The following FANCI variants were observed in gnomAD, a reference collection of about 807,000 sequenced individuals.
The protein encoded by FANCI is FA complementation group I.
Under a neutral mutation model 176.1 loss-of-function variants are expected in FANCI, and 156 were observed. The ratio of observed to expected loss-of-function variants is 0.89; its 90% CI spans 0.78 to 1.01. The LOEUF (loss-of-function observed/expected upper bound fraction) is 1.01, where lower values mean the gene tolerates loss of function less well. FANCI is among the 50% of genes least tolerant of loss of function. The pLI is 0.00. For synonymous variants in FANCI, 613 were observed against 541.7 expected (o/e 1.13, Z -1.83); for missense variants, 1,678 against 1,534.1 (o/e 1.09, Z -1.57).
rs2151304688 is a variant in FANCI, at chr15:89,264,540, T to G, written c.688T>G (p.Leu230Val). 6 of 1,613,824 alleles carry G rather than the reference T, an allele frequency of 3.7e-6. No individual in the cohort carries two copies. Among genetic ancestry groups the G allele is most frequent in the Non-Finnish European group, 5.1e-6 (6 of 1,179,846 alleles). The change falls in exon 9 of 38, where the codon TTG (leucine) becomes GTG (valine). Residue 230 changes from leucine (L) to valine (V), a missense_variant. Physicochemically the swap from Leu to Val is conservative, Grantham distance 32. This residue lies in a region of FANCI where 469 missense variants were observed against 436.9 expected (regional missense o/e 1.07). Coordinates refer to ENST00000310775, the MANE Select transcript of FANCI (RefSeq NM_001113378.2). ...TTTTCAGGGAAGCAGAAAGAGTGTTTTGGAAGGAATCATAGCCTTCTTCAG... is the reference window on the plus strand; with the variant it reads ...TTTTCAGGGAAGCAGAAAGAGTGTTGTGGAAGGAATCATAGCCTTCTTCAG... ...LSSKGSRKSV[L>V]EGIIAFFSAL...
Position 89,305,235 on chromosome 15 carries a change from T to C in FANCI, c.3179T>C (p.Ile1060Thr), listed in dbSNP as rs201376236. The C allele has an allele frequency of 1.9e-5, 30 of 1,614,242 alleles. No homozygotes were observed. The African/African-American group carries it at 2.0e-4, about 11-fold the overall frequency. ...SQDIHGHLGD[I>T]DQDVEVEKTN... is the part of the protein sequence containing the mutation. ...GATATCCACGGGCATCTGGGAGATA[T>C]AGACCAGGTACTATAATGAGCCTTC... The change falls in exon 29 of 38, where the codon ATA becomes ACA. Residue 1060 changes from isoleucine (I) to threonine (T), a missense_variant. Around this residue, in one of 3 missense-constraint regions of FANCI, gnomAD observed 1,204 missense variants for 1,077.4 expected, o/e 1.12. Coordinates refer to ENST00000310775, the MANE Select transcript of FANCI (RefSeq NM_001113378.2).
intron 2 of FANCI, among the ~76,000 whole-genome samples, chr15:89,249,114 C>T (rs569347557): frequency 1.2e-3 from 190 of 152,158 alleles, no homozygotes; most frequent in African/African-American, 4.4e-3. Context: ...TTCTGCTGAC[C>T]GTATTAATCA....
intron 34 of FANCI, among the ~76,000 whole-genome samples, chr15:89,309,537 CTG>C (rs1452040349): frequency 2.0e-5 from 3 of 152,088 alleles, no homozygotes; most frequent in Non-Finnish European, 4.4e-5. Context: ...CAAGACCAGC[CTG>C]GGCAACATAG....
Position 89,245,177 on chromosome 15 carries a change from C to CTTT in FANCI, c.-20+1152_-20+1154dup, listed in dbSNP as rs71149284. 628 of 137,870 alleles carry CTTT rather than the reference C, an allele frequency of 4.6e-3. 4 individuals are homozygous for CTTT. The highest frequency in any genetic ancestry group is 6.4e-3 in the Non-Finnish European group (424 of 66,580). The allele number at this position is 137,870 out of a possible 1,614,324, so 8.5% of individuals were successfully genotyped here. A position where few individuals can be genotyped will look rare whatever the true frequency, so the allele number is the denominator to read the frequency against. ...CTGAGCTTTTCTTTTCTTTTCTTTT[C>CTTT]TTTTTTTTTTGAGACAGAGTCTCCC... On this transcript the variant is annotated intron_variant, in intron 1 of 37. Coordinates refer to ENST00000310775, the MANE Select transcript of FANCI (RefSeq NM_001113378.2).
At chr15:89,311,394 G>A (rs2151973626) in intron 34 of FANCI, among the ~76,000 whole-genome samples, 1 of 152,302 alleles carries the variant, frequency 6.6e-6, no homozygotes, top group Admixed American at 6.5e-5. Context: ...ACTCCAGCCT[G>A]GGCGACAGAG....
Position 89,245,369 on chromosome 15 carries a change from T to C in FANCI, c.-20+1336T>C, listed in dbSNP as rs931069581. On this transcript the variant is annotated intron_variant, in intron 1 of 37. Coordinates refer to ENST00000310775, the MANE Select transcript of FANCI (RefSeq NM_001113378.2). ...TTTTTTTTTTTTTTTTTTTTTTTTT[T>C]TGTATTTTTAGTAGAGACGGGGTTT... 2.7e-4 allele frequency: 32 copies of C among 119,844 alleles called. 1 individual carries two copies. In the East Asian group the frequency reaches 6.2e-3, roughly 23 times the overall value. The allele number at this position is 119,844 out of a possible 1,614,324, so 7.4% of individuals were successfully genotyped here. A position where few individuals can be genotyped will look rare whatever the true frequency, so the allele number is the denominator to read the frequency against.
At position 89,316,833 on chromosome 15, in the gene FANCI, A is replaced by AGAT. The variant is rs2055283412; in HGVS notation, c.*375_*377dup. ...GTAAATATCCAGCGCTTCACCTGAAAGATAGTGCAAATTGGTTAGGATGCC... is the reference window on the plus strand; with the variant it reads ...GTAAATATCCAGCGCTTCACCTGAAAGATGATAGTGCAAATTGGTTAGGATGCC... On this transcript the variant is annotated 3_prime_UTR_variant, in exon 38 of 38. Transcript: ENST00000310775. The AGAT allele has an allele frequency of 6.2e-7, 1 of 1,610,730 alleles. No individual in the cohort carries two copies. Among genetic ancestry groups the AGAT allele is most frequent in the African/African-American group, 1.3e-5 (1 of 74,822 alleles).
intron 25 of FANCI, 136 bp downstream of exon 25, chr15:89,300,102 C>G (rs994831104): frequency 1.8e-6 from 2 of 1,096,748 alleles, no homozygotes; most frequent in East Asian, 4.9e-5. Context: ...CTAGTGGATT[C>G]AGGATTGGTA....
At chr15:89,244,211 T>C (rs2051839630) in intron 1 of FANCI, 178 bp downstream of exon 1, 1 of 152,622 alleles carries the variant, frequency 6.6e-6, no homozygotes, top group African/African-American at 2.4e-5. Context: ...GCCTCAGCTT[T>C]CGCGGTTCCC....
At chr15:89,254,959 C>A (rs1163503442) in intron 2 of FANCI, among the ~76,000 whole-genome samples, 2 of 152,188 alleles carry the variant, frequency 1.3e-5, no homozygotes, top group African/African-American at 4.8e-5. Flanking sequence ...TCCAGGGGGA[C>A]TTTAAAAACA....
At chr15:89,257,377 A>G (rs1220313463) in intron 2 of FANCI, among the ~76,000 whole-genome samples, 1 of 152,216 alleles carries the variant, frequency 6.6e-6, no homozygotes, top group African/African-American at 2.4e-5. Flanking sequence ...AATAGCAGCA[A>G]TGTAATGTTT....
intron 14 of FANCI, among the ~76,000 whole-genome samples, chr15:89,279,144 G>T (rs1034424142): frequency 3.8e-5 from 2 of 53,104 alleles, no homozygotes; most frequent in Non-Finnish European, 8.0e-5. Flanking sequence ...TTGCTGTTTT[G>T]TTGTTGTTGT....
intron 2 of FANCI, among the ~76,000 whole-genome samples, chr15:89,250,988 A>G (rs1158293704): frequency 6.6e-6 from 1 of 152,062 alleles, no homozygotes; most frequent in Non-Finnish European, 1.5e-5. Flanking sequence ...GTGGAAATTA[A>G]TAAAGTAGAG....
chr15:89,258,096 G>A (rs2052573490), intron 2 of FANCI, among the ~76,000 whole-genome samples: 1 of 150,840 alleles, frequency 6.6e-6, no homozygotes, highest in East Asian at 1.9e-4. Context: ...CAAGGCTTTG[G>A]CCTCAAATAT....
At chr15:89,303,693 A>T (rs1473911365) in intron 27 of FANCI, among the ~76,000 whole-genome samples, 171 bp from the exon 28 acceptor site, 1 of 152,188 alleles carries the variant, frequency 6.6e-6, no homozygotes, top group Non-Finnish European at 1.5e-5. Context: ...AATTCTTAGA[A>T]TTTTGGACTT....
chr15:89,263,511 C>T, intron 7 of FANCI, 51 bp downstream of exon 7: 6 of 1,459,800 alleles, frequency 4.1e-6, no homozygotes, highest in Non-Finnish European at 5.8e-6. Flanking sequence ...TGTGAACTTA[C>T]TTGCTAGAAA....
intron 24 of FANCI, among the ~76,000 whole-genome samples, chr15:89,296,280 T>TTA (rs2054267711): frequency 7.8e-6 from 1 of 127,980 alleles, no homozygotes. Flanking sequence ...TTTTTTTTTT[T>TTA]AATTTTCTGT....
In FANCI at chr15:89,273,368, C is replaced by T. The variant is rs563201817; in HGVS notation, c.883-9C>T. On this transcript the variant is annotated splice_polypyrimidine_tract_variant and intron_variant, in intron 10 of 37. Transcript: ENST00000310775. ...AGTAAATGACTTCCTTTTGGTTGCT[C>T]TCTTCTAGGTAGGACAGCAAGGAGA... The T allele has an allele frequency of 1.7e-5, 24 of 1,428,086 alleles. No homozygotes were observed. In the South Asian group the frequency reaches 2.4e-4, roughly 14 times the overall value. The allele number at this position is 1,428,086 out of a possible 1,614,324, so 88.5% of individuals were successfully genotyped here. A position where few individuals can be genotyped will look rare whatever the true frequency, so the allele number is the denominator to read the frequency against.
At chr15:89,314,541 G>A in intron 35 of FANCI, 71 bp from the exon 36 acceptor site, 1 of 1,136,416 alleles carries the variant, frequency 8.8e-7, no homozygotes, top group Non-Finnish European at 1.3e-6. Context: ...AGTTTTGTAA[G>A]TGACAGCTTC....
Sources: gnomAD v4.1 joint callset for allele counts (sites outside exome capture counted in the v4.1 genomes callset) on GRCh38, gnomAD v4.1.1 for gene constraint, gnomAD v4.1.1 regional missense constraint, MANE v1.5 for transcripts, NCBI Gene and HGNC (gene_info 2026-07-23, HGNC 2026-07-21) for gene names.